CNOT4: variants seen among roughly 807,000 people sequenced by gnomAD.
CNOT4 encodes CCR4-associated factor 4.
CNOT4 carries 8 observed loss-of-function variants against 73.8 expected under a neutral mutation model. That is an observed-to-expected ratio of 0.11 (90% CI 0.06 to 0.20). The LOEUF (loss-of-function observed/expected upper bound fraction) is 0.20, where lower values mean the gene tolerates loss of function less well. Ranked by LOEUF, CNOT4 falls within the 10% of genes least tolerant of loss-of-function variation. The pLI, the probability that CNOT4 is intolerant of heterozygous loss-of-function variation, is 1.00. For missense variants in CNOT4, 564 were observed against 883.4 expected (o/e 0.64, Z 4.58); for synonymous variants, 293 against 321.1 (o/e 0.91, Z 0.94).
At chr7:135,379,436 A>AT (rs778816082) in intron 10 of CNOT4, among the ~76,000 whole-genome samples, 1 of 152,232 alleles carries the variant, frequency 6.6e-6, no homozygotes, top group Non-Finnish European at 1.5e-5. Context: ...GGGTAGATTA[A>AT]TTAGTAAATG....
At chr7:135,378,509 A>G (rs527912929) in intron 10 of CNOT4, among the ~76,000 whole-genome samples, 1 of 93,884 alleles carries the variant, frequency 1.1e-5, no homozygotes, top group African/African-American at 4.6e-5. Context: ...AAATAAAAAT[A>G]GAGAGAAGGA....
intron 7 of CNOT4, among the ~76,000 whole-genome samples, chr7:135,399,035 C>T (rs1485829525): frequency 1.3e-5 from 2 of 151,920 alleles, no homozygotes; most frequent in Non-Finnish European, 2.9e-5. Context: ...AATGTAGTAC[C>T]ATGGTAAAGT....
intron 1 of CNOT4, among the ~76,000 whole-genome samples, chr7:135,507,444 T>C (rs1449686908): frequency 6.6e-6 from 1 of 152,130 alleles, no homozygotes; most frequent in Non-Finnish European, 1.5e-5. Context: ...CTATTTCCTA[T>C]CAAAATGTTA....
At chr7:135,453,826 T>TTATATATATATAGATATATA (rs1800338213) in intron 1 of CNOT4, among the ~76,000 whole-genome samples, 1 of 89,902 alleles carries the variant, frequency 1.1e-5, no homozygotes, top group Non-Finnish European at 2.3e-5. Flanking sequence ...TATATATATT[T>TTATATATATATAGATATATA]TATATATATA....
intron 1 of CNOT4, among the ~76,000 whole-genome samples, chr7:135,439,170 C>G (rs922698023): frequency 6.6e-6 from 1 of 152,034 alleles, no homozygotes; most frequent in Non-Finnish European, 1.5e-5. Context: ...TAGGCTAAAG[C>G]CACTGTTAGA....
At chr7:135,372,906 G>A (rs1795297222) in intron 10 of CNOT4, among the ~76,000 whole-genome samples, 1 of 152,152 alleles carries the variant, frequency 6.6e-6, no homozygotes, top group Non-Finnish European at 1.5e-5. Flanking sequence ...TCGGGAAAAG[G>A]ATGGGTGGGA....
intron 1 of CNOT4, among the ~76,000 whole-genome samples, chr7:135,439,468 A>G (rs1799346051): frequency 6.6e-6 from 1 of 152,234 alleles, no homozygotes; most frequent in African/African-American, 2.4e-5. Context: ...CAAAGAAACT[A>G]AAGAATCTAG....
rs1801541495 is a variant in CNOT4, at chr7:135,470,963, T to C, written c.-92-32540A>G. Reference sequence around the variant, plus strand: ...CACTTATTTAAGATTATGTATTTCATTGTATATAATTGACCTCAAACTTAA... The same window carrying C: ...CACTTATTTAAGATTATGTATTTCACTGTATATAATTGACCTCAAACTTAA... On this transcript the variant is annotated intron_variant, in intron 1 of 11. Transcript: ENST00000541284. Among the ~76,000 whole-genome samples, 5 of 152,358 alleles carry C rather than the reference T, an allele frequency of 3.3e-5. No individual in the cohort carries two copies. In the South Asian group the frequency reaches 1.0e-3, roughly 32 times the overall value.
At position 135,391,069 on chromosome 7, in the gene CNOT4, A is replaced by C. The variant is rs551339054; in HGVS notation, c.1627+2849T>G. Among the ~76,000 whole-genome samples, 12 of 152,270 alleles carry C rather than the reference A, an allele frequency of 7.9e-5. No homozygotes were observed. In the East Asian group the frequency reaches 2.3e-3, roughly 29 times the overall value. On this transcript the variant is annotated intron_variant, in intron 10 of 11. Transcript: ENST00000541284. ...GTGCAAGTGAGTTAGAACAGGTGCA[A>C]GTGAGTTACAACAGGTGCAAGTGAG...
At chr7:135,435,057 T>C (rs879862285) in intron 2 of CNOT4, among the ~76,000 whole-genome samples, 4 of 152,240 alleles carry the variant, frequency 2.6e-5, no homozygotes, top group Non-Finnish European at 5.9e-5. Context: ...CTCAGTTTAT[T>C]TTCTGTAATT....
intron 1 of CNOT4, among the ~76,000 whole-genome samples, chr7:135,472,670 G>C (rs1245304808): frequency 6.8e-6 from 1 of 147,916 alleles, no homozygotes; most frequent in Non-Finnish European, 1.5e-5. Flanking sequence ...ACAGAACAAA[G>C]AAGTTTAAAT....
At chr7:135,414,507 A>G (rs1797746170) in intron 4 of CNOT4, 75 bp from the exon 5 acceptor site, 1 of 724,042 alleles carries the variant, frequency 1.4e-6, no homozygotes, top group Admixed American at 2.1e-5. Context: ...ACTGCAACCT[A>G]GGGAATTCTA....
chr7:135,500,139 T>G (rs1431004080), intron 1 of CNOT4, among the ~76,000 whole-genome samples: 1 of 152,042 alleles, frequency 6.6e-6, no homozygotes, highest in East Asian at 1.9e-4. Context: ...ATAATAACAA[T>G]AAAGAAAATG....
intron 1 of CNOT4, among the ~76,000 whole-genome samples, chr7:135,507,454 A>T (rs1804450385): frequency 6.6e-6 from 1 of 152,230 alleles, no homozygotes; most frequent in Admixed American, 6.5e-5. Flanking sequence ...TCAAAATGTT[A>T]AAGAACTTTA....
At chr7:135,484,014 T>G (rs934550269) in intron 1 of CNOT4, among the ~76,000 whole-genome samples, 2 of 151,628 alleles carry the variant, frequency 1.3e-5, no homozygotes, top group Non-Finnish European at 2.9e-5. Flanking sequence ...GCCAACATGG[T>G]AGAACCCCGT....
chr7:135,457,848 G>C (rs182821635), intron 1 of CNOT4, among the ~76,000 whole-genome samples: 53 of 152,218 alleles, frequency 3.5e-4, no homozygotes, highest in African/African-American at 1.3e-3. Context: ...GTGCATGTGT[G>C]TGTTTTGTAA....
At position 135,372,820 on chromosome 7, in the gene CNOT4, G is replaced by A. The variant is rs1184308502; in HGVS notation, c.1628-8754C>T. On this transcript the variant is annotated intron_variant, in intron 10 of 11. Coordinates refer to ENST00000541284, the MANE Select transcript of CNOT4 (RefSeq NM_001190850.2). The stretch of plus-strand genomic sequence containing the variant: ...TCCACCAGCCTCAGCCTCCCAAAGT[G>A]CTGGGATTACAGGCGTGAGCCACCG... Among the ~76,000 whole-genome samples the A allele has an allele frequency of 2.6e-5, 4 of 152,262 alleles. No homozygotes were observed. In the East Asian group the frequency reaches 7.7e-4, roughly 29 times the overall value.
At chr7:135,439,439 A>G (rs1799345072) in intron 1 of CNOT4, among the ~76,000 whole-genome samples, 1 of 152,236 alleles carries the variant, frequency 6.6e-6, no homozygotes, top group Non-Finnish European at 1.5e-5. Flanking sequence ...TCCTATTAGT[A>G]TAAAATTAGA....
chr7:135,453,823 A>ATT (rs1196562317), intron 1 of CNOT4, among the ~76,000 whole-genome samples: 3 of 73,786 alleles, frequency 4.1e-5, no homozygotes, highest in African/African-American at 1.3e-4. Flanking sequence ...AAATATATAT[A>ATT]TTTTATATAT....
Sources: allele counts gnomAD v4.1 joint callset (sites outside exome capture counted in the v4.1 genomes callset), GRCh38; gene constraint gnomAD v4.1.1; transcripts MANE v1.5; gene names NCBI Gene and HGNC (gene_info 2026-07-23, HGNC 2026-07-21).